CCDC191: variants seen among roughly 807,000 people sequenced by gnomAD.
CCDC191 encodes coiled-coil domain-containing protein 191.
Under a neutral mutation model 114.0 loss-of-function variants are expected in CCDC191, and 99 were observed. That is an observed-to-expected ratio of 0.87 (90% CI 0.74 to 1.03). The LOEUF is 1.03. Among genes scored for constraint, CCDC191 ranks in the 50% least tolerant of loss-of-function variants. The pLI is 0.00. For synonymous variants in CCDC191, 351 were observed against 376.0 expected, an observed-to-expected ratio of 0.93 and a Z score of 0.77; for missense variants, 973 against 1,087.0, an observed-to-expected ratio of 0.90 and a Z score of 1.47.
Position 113,964,891 on chromosome 3 carries a change from C to T in CCDC191, c.*264G>A, listed in dbSNP as rs1402027282. 1.2e-5 allele frequency: 3 copies of T among 260,222 alleles called. No homozygotes were observed. The South Asian group carries it at 5.0e-4, about 44-fold the overall frequency. 16.1% of individuals were successfully genotyped at this position (260,222 alleles called of 1,614,324 possible). On this transcript the variant is annotated 3_prime_UTR_variant, in exon 17 of 17. Transcript: ENST00000295878. Reference sequence around the variant, plus strand: ...CTTGTCCTTTTTAAAGTTTACTATGCTAAAAATATATAGGATATATTTGAA... The same window carrying T: ...CTTGTCCTTTTTAAAGTTTACTATGTTAAAAATATATAGGATATATTTGAA...
chr3:114,047,090 C>A (rs2076640766), intron 2 of CCDC191: 2 of 975,610 alleles, frequency 2.0e-6, no homozygotes, highest in Non-Finnish European at 1.2e-6. Flanking sequence ...AGTTTTCATG[C>A]CCTTAGGACT....
At chr3:114,001,523 G>A in intron 13 of CCDC191, 72 bp downstream of exon 13, 2 of 1,557,398 alleles carry the variant, frequency 1.3e-6, no homozygotes, top group Non-Finnish European at 8.7e-7. Context: ...GGTTAAAGAA[G>A]GTGGATAGGG....
intron 13 of CCDC191, among the ~76,000 whole-genome samples, chr3:113,999,731 G>A (rs527698079): frequency 2.4e-4 from 36 of 152,244 alleles, no homozygotes; most frequent in Non-Finnish European, 5.0e-4. Context: ...TGTGTCATGA[G>A]TATTTTCTCC....
At chr3:114,044,769 C>A (rs897372427) in intron 3 of CCDC191, among the ~76,000 whole-genome samples, 3 of 152,132 alleles carry the variant, frequency 2.0e-5, no homozygotes, top group African/African-American at 7.2e-5. Flanking sequence ...TGGGGATTTA[C>A]TGTGAAGTGC....
At chr3:114,007,681 A>T (rs79175670) in intron 9 of CCDC191, among the ~76,000 whole-genome samples, 4,621 of 152,272 alleles carry the variant, frequency 0.03, 85 homozygotes, top group Non-Finnish European at 0.048. Flanking sequence ...AGTGGTACAG[A>T]TAGTACTTAA....
intron 8 of CCDC191, 129 bp from the exon 9 acceptor site, chr3:114,011,150 A>AAAATG: frequency 2.0e-6 from 2 of 1,017,818 alleles, no homozygotes; most frequent in Non-Finnish European, 2.9e-6. Flanking sequence ...AACATTTTAT[A>AAAATG]TTAAGCTAAA....
intron 16 of CCDC191, among the ~76,000 whole-genome samples, chr3:113,973,662 C>T (rs1486349978): frequency 6.6e-6 from 1 of 151,516 alleles, no homozygotes; most frequent in Admixed American, 6.6e-5. Flanking sequence ...TGGCCTATAC[C>T]GTTTCTGCTG....
Position 114,042,128 on chromosome 3 carries a change from A to G in CCDC191, c.415+575T>C, listed in dbSNP as rs75343745. ...TCTGCATCAAACAGTCCAATGATAT[A>G]TGAGGAAGAGGCACTCTGAAACAGC... On this transcript the variant is annotated intron_variant, in intron 4 of 16. Coordinates refer to ENST00000295878, the MANE Select transcript of CCDC191 (RefSeq NM_020817.2). Among the ~76,000 whole-genome samples, 233 of 152,322 alleles carry G rather than the reference A, an allele frequency of 1.5e-3. 2 individuals are homozygous for G. In the East Asian group the frequency reaches 0.036, roughly 24 times the overall value.
Position 113,978,173 on chromosome 3 carries a change from A to G in CCDC191, c.2606+13T>C. On this transcript the variant is annotated intron_variant, in intron 16 of 16. Transcript: ENST00000295878. Reference sequence around the variant, plus strand: ...AGTCAGAGAGTGAATTTTCCTCACTATCAAAACCTCACCTGTCACTGTGCT... The same window carrying G: ...AGTCAGAGAGTGAATTTTCCTCACTGTCAAAACCTCACCTGTCACTGTGCT... The G allele has an allele frequency of 2.5e-6, 4 of 1,613,774 alleles. No individual in the cohort carries two copies. Among genetic ancestry groups the G allele is most frequent in the South Asian group, 1.1e-5 (1 of 91,064 alleles).
intron 16 of CCDC191, among the ~76,000 whole-genome samples, chr3:113,974,001 T>C (rs539054597): frequency 6.6e-6 from 1 of 151,842 alleles, no homozygotes; most frequent in South Asian, 2.1e-4. Context: ...TCTGATAGCA[T>C]ATTTTCAAGT....
rs1293415720 is a variant in CCDC191 at position 114,005,890 on chromosome 3, C to T, written c.1486G>A (p.Gly496Arg). 3.7e-6 allele frequency: 6 copies of T among 1,614,026 alleles called. No individual in the cohort carries two copies. The South Asian group carries it at 5.5e-5, about 15-fold the overall frequency. ...SSGCMLSPPLGRTTTGNLQGS... is the reference protein window; with the variant it reads ...SSGCMLSPPLRRTTTGNLQGS... ...TGCAAGTTGCCTGTTGTTGTTCTTC[C>T]CAGGGGAGGACTGAGCATACAACCA... The change falls in exon 10 of 17, where the codon GGA (glycine) becomes AGA (arginine). Residue 496 changes from glycine to arginine, a missense_variant. Coordinates refer to ENST00000295878, the MANE Select transcript of CCDC191 (RefSeq NM_020817.2).
In CCDC191 at chr3:114,001,634, C is replaced by T; in HGVS notation, c.2124G>A (p.Gln708=). 1.2e-6 allele frequency: 2 copies of T among 1,613,856 alleles called. No individual in the cohort carries two copies. ...TCTTCTCTTCTCGTTTTCTTTCAAGCTGTGCCTCCTTTTCTTCTGCCTCCC... is the reference window on the plus strand; with the variant it reads ...TCTTCTCTTCTCGTTTTCTTTCAAGTTGTGCCTCCTTTTCTTCTGCCTCCC... ...QKREAEEKEA[Q]LERKREEKRL... The change falls in exon 13 of 17, where the codon CAG becomes CAA. Residue 708 remains glutamine (Q), a synonymous_variant. Coordinates refer to ENST00000295878, the MANE Select transcript of CCDC191 (RefSeq NM_020817.2).
chr3:113,967,644 T>C (rs1375194131), intron 16 of CCDC191, among the ~76,000 whole-genome samples: 3 of 152,218 alleles, frequency 2.0e-5, no homozygotes, highest in African/African-American at 7.2e-5. Flanking sequence ...ATGGGGACAT[T>C]CAAGTTATTC....
intron 8 of CCDC191, among the ~76,000 whole-genome samples, chr3:114,016,379 T>A (rs1175884258): frequency 6.6e-6 from 1 of 152,226 alleles, no homozygotes; most frequent in African/African-American, 2.4e-5. Flanking sequence ...TCAACAAGTA[T>A]GGATTTGGTG....
At chr3:113,978,682 A>C in intron 15 of CCDC191, 176 bp downstream of exon 15, 1 of 701,024 alleles carries the variant, frequency 1.4e-6, no homozygotes, top group Non-Finnish European at 2.4e-6. Context: ...AGGATTTTAC[A>C]CTAATAAAAC....
At chr3:114,027,886 T>G (rs2076347508) in intron 7 of CCDC191, among the ~76,000 whole-genome samples, 1 of 152,134 alleles carries the variant, frequency 6.6e-6, no homozygotes, top group Non-Finnish European at 1.5e-5. Flanking sequence ...GTTTCATTAC[T>G]CAAGGCAGCT....
intron 13 of CCDC191, among the ~76,000 whole-genome samples, chr3:113,995,177 A>T (rs1448907710): frequency 6.6e-6 from 1 of 152,186 alleles, no homozygotes; most frequent in African/African-American, 2.4e-5. Context: ...CGTGTTTGCC[A>T]GGGGTTAGGG....
rs184202072 is a variant in CCDC191, at chr3:114,042,914, A to G, written c.272-68T>C. 48 of 1,392,070 alleles carry G rather than the reference A, an allele frequency of 3.4e-5. No homozygotes were observed. The African/African-American group carries it at 6.8e-4, about 20-fold the overall frequency. The allele number at this position is 1,392,070 out of a possible 1,614,324, so 86.2% of individuals were successfully genotyped here. ...GAGATTTTCTTTATTCACTGTTTTC[A>G]TTTATTCAATAAATATTAATTGAGT... On this transcript the variant is annotated intron_variant, in intron 3 of 16. Transcript: ENST00000295878.
intron 2 of CCDC191, among the ~76,000 whole-genome samples, chr3:114,048,318 G>A (rs1266569543): frequency 6.6e-6 from 1 of 152,202 alleles, no homozygotes; most frequent in African/African-American, 2.4e-5. Context: ...CCTTTAAAAT[G>A]AAAGCCACAT....
Sources: gnomAD v4.1 joint callset for allele counts (sites outside exome capture counted in the v4.1 genomes callset) on GRCh38, gnomAD v4.1.1 for gene constraint, MANE v1.5 for transcripts, NCBI Gene and HGNC (gene_info 2026-07-23, HGNC 2026-07-21) for gene names.